Variants in SIM1 observed in about 807,000 individuals in gnomAD.
SIM1 encodes the protein SIM bHLH transcription factor 1.
In SIM1, 18 loss-of-function variants were observed where a neutral mutation model predicts 78.2. The ratio of observed to expected loss-of-function variants is 0.23; its 90% CI spans 0.16 to 0.34. The LOEUF is 0.34. Among genes scored for constraint, SIM1 ranks in the 10% least tolerant of loss-of-function variants. The pLI is 1.00. For synonymous variants in SIM1, 417 were observed against 385.2 expected (o/e 1.08, Z -0.97); for missense variants, 939 against 975.1 (o/e 0.96, Z 0.49).
At chr6:100,410,938 T>C (rs1771173961) in intron 10 of SIM1, among the ~76,000 whole-genome samples, 1 of 152,152 alleles carries the variant, frequency 6.6e-6, no homozygotes, top group Admixed American at 6.6e-5. Flanking sequence ...ACAAGGCCTT[T>C]TATGTCCAGA....
Position 100,393,797 on chromosome 6 carries a change from C to G in SIM1, c.1260G>C (p.Leu420=), listed in dbSNP as rs781333048. The part of the protein sequence containing the change: ...PLTDTASPQL[L]DPADRPGSQH... Reference sequence around the variant, plus strand: ...GGGAGCCAGGCCTATCGGCGGGGTCCAGAAGCTGCGGAGAGGCCGTGTCGG... The same window carrying G: ...GGGAGCCAGGCCTATCGGCGGGGTCGAGAAGCTGCGGAGAGGCCGTGTCGG... Residue 420 remains leucine (L), a synonymous_variant, in exon 11 of 12, where the codon CTG becomes CTC. Coordinates refer to ENST00000369208, the MANE Select transcript of SIM1 (RefSeq NM_005068.3). The G allele has an allele frequency of 3.7e-6, 6 of 1,613,850 alleles. No individual in the cohort carries two copies. Among genetic ancestry groups the G allele is most frequent in the Non-Finnish European group, 5.1e-6 (6 of 1,179,928 alleles).
chr6:100,458,013 TCTCTCTCTCTC>T (rs1562064204), intron 2 of SIM1, among the ~76,000 whole-genome samples: 284 of 12,400 alleles, frequency 0.023, no homozygotes, highest in South Asian at 0.066. Flanking sequence ...TCTTTCTCTC[TCTCTCTCTCTC>T]TCTCTCTCTC....
intron 10 of SIM1, among the ~76,000 whole-genome samples, chr6:100,412,747 GA>G (rs1166917450): frequency 7.8e-5 from 10 of 127,666 alleles, no homozygotes; most frequent in Admixed American, 4.7e-4. Context: ...AAGAAAGAAA[GA>G]AAGAAAAAAG....
intron 8 of SIM1, 61 bp downstream of exon 8, chr6:100,448,085 C>T: frequency 7.3e-7 from 1 of 1,376,432 alleles, no homozygotes; most frequent in Non-Finnish European, 1.0e-6. Flanking sequence ...CGTGGCTCCC[C>T]CACCCCCTAA....
At chr6:100,439,745 T>A (rs1373005126) in intron 9 of SIM1, among the ~76,000 whole-genome samples, 1 of 152,208 alleles carries the variant, frequency 6.6e-6, no homozygotes, top group South Asian at 2.1e-4. Flanking sequence ...ACCCTAGATA[T>A]TTGGTTAGTT....
chr6:100,423,112 T>C (rs528533054), intron 9 of SIM1, among the ~76,000 whole-genome samples: 1 of 152,356 alleles, frequency 6.6e-6, no homozygotes, highest in Non-Finnish European at 1.5e-5. Context: ...TTAGCTCTAA[T>C]CAACTCCAAG....
chr6:100,449,391 T>C lies in SIM1; in HGVS notation c.515A>G (p.Asn172Ser), dbSNP rs1291050572. Residue 172 changes from asparagine to serine, a missense_variant, in exon 6 of 12, where the codon AAC becomes AGC. Asn to Ser is a conservative substitution (Grantham distance 46). Around this residue, in one of 5 missense-constraint regions of SIM1, gnomAD observed 187 missense variants for 191.6 expected, o/e 0.98. Transcript: ENST00000369208. ...LRMKCVLAKRNAGLTCGGYKV... is the reference protein window; with the variant it reads ...LRMKCVLAKRSAGLTCGGYKV... ...GTAGCCGCCACAGGTGAGGCCGGCG[T>C]TACGCTTGGCCAAGACGCACTTCAT... is the stretch of plus-strand genomic sequence containing the variant. 2 of 1,614,006 alleles carry C rather than the reference T, an allele frequency of 1.2e-6. No homozygotes were observed. The highest frequency in any genetic ancestry group is 1.7e-6 in the Non-Finnish European group (2 of 1,179,970).
intron 10 of SIM1, among the ~76,000 whole-genome samples, chr6:100,400,309 C>G (rs1326937109): frequency 1.3e-5 from 2 of 151,780 alleles, no homozygotes; most frequent in Non-Finnish European, 2.9e-5. Flanking sequence ...AAGAAGAAAG[C>G]TTCTTGATGT....
chr6:100,450,573 C>T (rs1772482021), intron 3 of SIM1, among the ~76,000 whole-genome samples: 1 of 152,062 alleles, frequency 6.6e-6, no homozygotes. Flanking sequence ...GGGAAAGATC[C>T]AGAGTAATTG....
intron 10 of SIM1, among the ~76,000 whole-genome samples, chr6:100,398,636 T>C (rs1770827816): frequency 6.6e-6 from 1 of 152,122 alleles, no homozygotes; most frequent in African/African-American, 2.4e-5. Context: ...CTGGAGAGTA[T>C]TCTATTGTAT....
In SIM1 at chr6:100,449,607, G is replaced by T; in HGVS notation, c.441C>A (p.His147Gln). 1 of 1,613,874 alleles carries T rather than the reference G, an allele frequency of 6.2e-7. No individual in the cohort carries two copies. The highest frequency in any genetic ancestry group is 8.5e-7 in the Non-Finnish European group (1 of 1,179,748). ...TAVLTAHQPY[H>Q]SHFVQEYEIE... Reference sequence around the variant, plus strand: ...CTACCTTACCCTGCACGAAGTGAGAGTGGTAGGGTTGATGGGCGGTGAGCA... The same window carrying T: ...CTACCTTACCCTGCACGAAGTGAGATTGGTAGGGTTGATGGGCGGTGAGCA... The change falls in exon 5 of 12, where the codon CAC becomes CAA. Residue 147 changes from histidine to glutamine, a missense_variant. His to Gln is a conservative substitution (Grantham distance 24, BLOSUM62 0). Transcript: ENST00000369208.
chr6:100,448,710 C>A (rs1193834393), intron 6 of SIM1, 32 bp from the exon 7 acceptor site: 2 of 1,588,942 alleles, frequency 1.3e-6, no homozygotes, highest in East Asian at 2.2e-5. Flanking sequence ...GGAGACTCAG[C>A]CACAGGTAGG....
chr6:100,415,660 A>G (rs955058820), intron 10 of SIM1, among the ~76,000 whole-genome samples: 1 of 152,206 alleles, frequency 6.6e-6, no homozygotes, highest in Non-Finnish European at 1.5e-5. Flanking sequence ...AGTTTCATCT[A>G]TTAATGCAGA....
In SIM1 at chr6:100,406,920, A is replaced by T. The variant is rs571615882; in HGVS notation, c.1168-13031T>A. Among the ~76,000 whole-genome samples, 72 of 150,972 alleles carry T rather than the reference A, an allele frequency of 4.8e-4. 2 individuals carry two copies. The South Asian group carries it at 0.015, about 31-fold the overall frequency. On this transcript the variant is annotated intron_variant, in intron 10 of 11. Transcript: ENST00000369208. ...CTATAGTCACCATGCTCTACATTAG[A>T]TCCCCAGAACACATCCATCTTATAA... is the stretch of plus-strand genomic sequence containing the variant.
rs1210787655 is a variant in SIM1 at position 100,387,038 on chromosome 6, C to T, written c.*3323G>A. On this transcript the variant is annotated 3_prime_UTR_variant, in exon 12 of 12. Transcript: ENST00000369208. ...AAGATTGGGGAAACTTCATTCACTT[C>T]TTTGGTCATCCAAATTTTTAAAGTA... 6.6e-6 allele frequency: 1 copy of T among 152,040 alleles called. No homozygotes were observed. Among genetic ancestry groups the T allele is most frequent in the East Asian group, 1.9e-4 (1 of 5,202 alleles). 9.4% of individuals were successfully genotyped at this position (152,040 alleles called of 1,614,324 possible). A position where few individuals can be genotyped will look rare whatever the true frequency, so the allele number is the denominator to read the frequency against.
intron 10 of SIM1, among the ~76,000 whole-genome samples, chr6:100,409,431 T>C (rs991979989): frequency 6.6e-6 from 1 of 152,050 alleles, no homozygotes. Context: ...CCCTATCATT[T>C]TTTTTTGGTT....
intron 9 of SIM1, among the ~76,000 whole-genome samples, chr6:100,439,123 C>T (rs181094087): frequency 4.6e-5 from 7 of 152,142 alleles, no homozygotes; most frequent in Non-Finnish European, 8.8e-5. Context: ...AAAAAAGAAA[C>T]ATGCTCAGTT....
chr6:100,423,861 T>A (rs1285466014), intron 9 of SIM1, among the ~76,000 whole-genome samples: 3 of 152,186 alleles, frequency 2.0e-5, no homozygotes, highest in African/African-American at 7.2e-5. Context: ...TGCACTTCCG[T>A]TCATTGGACA....
chr6:100,405,287 T>C (rs1197331321), intron 10 of SIM1, among the ~76,000 whole-genome samples: 1 of 152,050 alleles, frequency 6.6e-6, no homozygotes, highest in African/African-American at 2.4e-5. Flanking sequence ...ACATCAACCT[T>C]GAGTCACATT....
Sources: gnomAD v4.1 joint callset for allele counts (sites outside exome capture counted in the v4.1 genomes callset) on GRCh38, gnomAD v4.1.1 for gene constraint, gnomAD v4.1.1 regional missense constraint, MANE v1.5 for transcripts, NCBI Gene and HGNC (gene_info 2026-07-23, HGNC 2026-07-21) for gene names.